Variants in CACNA1C observed in about 807,000 individuals in gnomAD.
CACNA1C encodes calcium voltage-gated channel subunit alpha1 C.
A neutral mutation model predicts 229.0 loss-of-function variants in CACNA1C; 30 were observed. That is an observed-to-expected ratio of 0.13 (90% CI 0.10 to 0.18). CACNA1C has a LOEUF of 0.18. Among genes scored for constraint, CACNA1C ranks in the 10% least tolerant of loss-of-function variants. The pLI, the probability that CACNA1C is intolerant of heterozygous loss-of-function variation, is 1.00. For synonymous variants in CACNA1C, 1,114 were observed against 1,132.5 expected (o/e 0.98, Z 0.33); for missense variants, 1,658 against 2,845.0 (o/e 0.58, Z 9.49).
chr12:2,161,010 C>T (rs1379577964), intron 3 of CACNA1C, among the ~76,000 whole-genome samples: 1 of 152,180 alleles, frequency 6.6e-6, no homozygotes, highest in Non-Finnish European at 1.5e-5. Context: ...TCAGTGCAGA[C>T]AGGGTTTCAC....
At chr12:2,101,592 A>G (rs2076438149) in intron 1 of CACNA1C, among the ~76,000 whole-genome samples, 1 of 152,210 alleles carries the variant, frequency 6.6e-6, no homozygotes, top group East Asian at 1.9e-4. Flanking sequence ...TGCTGCAGGG[A>G]CCACTGTGCC....
In CACNA1C at chr12:2,679,467, C is replaced by A. The variant is rs2097017020; in HGVS notation, c.5115C>A (p.Asn1705Lys). The change falls in exon 42 of 47, where the codon AAC becomes AAA. Residue 1705 changes from asparagine (N) to lysine (K), a missense_variant. Asn to Lys is a moderately conservative substitution (Grantham distance 94). This residue lies in a region of CACNA1C where 590 missense variants were observed against 700.8 expected (regional missense o/e 0.84). Transcript: ENST00000399655. This position sits in a 1 kb window ranked among gnomAD's most constrained non-coding sequence, Gnocchi z 5.5. ...IFRRAGGLFG[N>K]HVSYYQSDGR... ...AGAGGGCCGGTGGCCTGTTCGGCAA[C>A]CACGTCAGCTACTACCAAAGCGACG... is the stretch of plus-strand genomic sequence containing the variant. 6.3e-7 allele frequency: 1 copy of A among 1,584,978 alleles called. No homozygotes were observed. Among genetic ancestry groups the A allele is most frequent in the Non-Finnish European group, 8.6e-7 (1 of 1,163,856 alleles).
intron 1 of CACNA1C, among the ~76,000 whole-genome samples, chr12:2,087,539 G>A (rs577556057): frequency 6.6e-6 from 1 of 152,172 alleles, no homozygotes; most frequent in Non-Finnish European, 1.5e-5. Flanking sequence ...TTGCAAAGGT[G>A]GTGATGCTAG....
In CACNA1C at chr12:2,566,315, A is replaced by T. The variant is rs1256065030; in HGVS notation, c.1509-107A>T. ...TGCCACCAGATTGGGCTGCTCTAGC[A>T]AGGCCAGATCAGTGAGGGGCGAGAA... On this transcript the variant is annotated intron_variant, in intron 11 of 46. Coordinates refer to ENST00000399655, the MANE Select transcript of CACNA1C (RefSeq NM_000719.7). The surrounding 1 kb of genome is among the most constrained non-coding windows in gnomAD (Gnocchi z 4.0). The T allele has an allele frequency of 9.3e-7, 1 of 1,076,638 alleles. No individual in the cohort carries two copies. Among genetic ancestry groups the T allele is most frequent in the Admixed American group, 2.5e-5 (1 of 39,942 alleles). The allele number at this position is 1,076,638 out of a possible 1,614,324, so 66.7% of individuals were successfully genotyped here.
chr12:2,577,870 CTT>C (rs34284324), intron 13 of CACNA1C, among the ~76,000 whole-genome samples: 178 of 138,050 alleles, frequency 1.3e-3, no homozygotes, highest in East Asian at 8.8e-4. Flanking sequence ...AGTAATTATT[CTT>C]TTTTTTTTTT....
chr12:2,176,167 A>G (rs2096639066), intron 3 of CACNA1C, among the ~76,000 whole-genome samples: 1 of 152,138 alleles, frequency 6.6e-6, no homozygotes, highest in South Asian at 2.1e-4. Flanking sequence ...TAGGGTAAGC[A>G]GGCTCAGGAG....
intron 11 of CACNA1C, among the ~76,000 whole-genome samples, chr12:2,565,475 GAA>G (rs4016834): frequency 0.32 from 37,399 of 117,848 alleles, 6,112 homozygotes; most frequent in African/African-American, 0.49. Context: ...CTCCGTCTCA[GAA>G]AAAAAAAAAA....
chr12:2,621,210 C>T (rs758409445), intron 29 of CACNA1C, among the ~76,000 whole-genome samples: 2 of 152,114 alleles, frequency 1.3e-5, no homozygotes, highest in Non-Finnish European at 2.9e-5. Context: ...CACCAATACA[C>T]AACAAACAAA....
Position 2,633,774 on chromosome 12 carries a change from T to TTCTC in CACNA1C, c.3829-514_3829-511dup. On this transcript the variant is annotated intron_variant, in intron 29 of 46. Transcript: ENST00000399655. This position sits in a 1 kb window ranked among gnomAD's most constrained non-coding sequence, Gnocchi z 5.8. ...ATTCCTCCTCCTCTGCCTCGTCTAT[T>TTCTC]TCTCTCTCTCTCACTCTCTCTGTTT... 1.1e-6 allele frequency: 1 copy of TTCTC among 897,932 alleles called. No individual in the cohort carries two copies. 55.6% of individuals were successfully genotyped at this position (897,932 alleles called of 1,614,324 possible).
At chr12:1,984,449 A>G (rs1021764331) in intron 1 of CACNA1C, among the ~76,000 whole-genome samples, 2 of 151,992 alleles carry the variant, frequency 1.3e-5, no homozygotes, top group African/African-American at 4.8e-5. Context: ...GTCTATACTT[A>G]GAGTTTTTCT....
At chr12:2,312,809 CA>C (rs2095505452) in intron 3 of CACNA1C, among the ~76,000 whole-genome samples, 1 of 152,058 alleles carries the variant, frequency 6.6e-6, no homozygotes, top group African/African-American at 2.4e-5. Context: ...TCTGAAGCCT[CA>C]GGGATTTTTT....
chr12:2,051,176 C>T (rs774317925), upstream of CACNA1C, among the ~76,000 whole-genome samples: 3 of 152,082 alleles, frequency 2.0e-5, no homozygotes, highest in Admixed American at 1.3e-4. Flanking sequence ...GTGAGATTTG[C>T]GGAAAGCCTT....
intron 11 of CACNA1C, among the ~76,000 whole-genome samples, chr12:2,562,901 AGTTT>A (rs1287362511): frequency 6.6e-6 from 1 of 152,176 alleles, no homozygotes; most frequent in East Asian, 1.9e-4. Flanking sequence ...CCAGTCTTTT[AGTTT>A]ATTTTAAAAT....
intron 1 of CACNA1C, among the ~76,000 whole-genome samples, chr12:2,089,576 T>G (rs2069340262): frequency 6.6e-6 from 1 of 152,228 alleles, no homozygotes; most frequent in Non-Finnish European, 1.5e-5. Flanking sequence ...GCCGGGCCCA[T>G]CCGGGGCATG....
Position 2,238,300 on chromosome 12 carries a change from G to A in CACNA1C, c.477+117870G>A, listed in dbSNP as rs2068315467. On this transcript the variant is annotated intron_variant, in intron 3 of 46. Coordinates refer to ENST00000399655, the MANE Select transcript of CACNA1C (RefSeq NM_000719.7). ...GGCATGACCTTCCCACGGAAATAAC[G>A]GTGCTGGACCATATATAGACAAAGA... is the stretch of plus-strand genomic sequence containing the variant. Among the ~76,000 whole-genome samples the A allele has an allele frequency of 2.0e-5, 3 of 152,178 alleles. No homozygotes were observed. The South Asian group carries it at 6.2e-4, about 32-fold the overall frequency.
intron 3 of CACNA1C, among the ~76,000 whole-genome samples, chr12:2,381,649 C>G (rs61907797): frequency 0.017 from 2,521 of 152,262 alleles, 21 homozygotes; most frequent in Non-Finnish European, 0.025. Context: ...CCCTGAAGAC[C>G]ATTTCCACTA....
intron 1 of CACNA1C, among the ~76,000 whole-genome samples, chr12:2,041,042 A>C (rs1293773103): frequency 1.3e-5 from 2 of 152,200 alleles, no homozygotes; most frequent in African/African-American, 4.8e-5. Context: ...ATAAATCCTG[A>C]TTGAAGGCCA....
At chr12:1,975,676 CTA>C (rs1314337188) in intron 1 of CACNA1C, among the ~76,000 whole-genome samples, 2 of 152,268 alleles carry the variant, frequency 1.3e-5, no homozygotes, top group South Asian at 2.1e-4. Flanking sequence ...AATAGCATTA[CTA>C]TGTTTTCTTG....
chr12:2,261,777 G>A (rs538980489), intron 3 of CACNA1C, among the ~76,000 whole-genome samples: 3 of 152,358 alleles, frequency 2.0e-5, no homozygotes, highest in South Asian at 2.1e-4. Flanking sequence ...TGCTTCTGCT[G>A]TTGCCACCAG....
Sources: gnomAD v4.1 joint callset for allele counts (sites outside exome capture counted in the v4.1 genomes callset) on GRCh38, gnomAD v4.1.1 for gene constraint, gnomAD v4.1.1 regional missense constraint, Gnocchi (gnomAD v3.1) non-coding constraint, MANE v1.5 for transcripts, NCBI Gene and HGNC (gene_info 2026-07-23, HGNC 2026-07-21) for gene names.